The following GARNL3 variants were observed in gnomAD, a reference collection of about 807,000 sequenced individuals.
GARNL3 encodes GTPase-activating Rap/Ran-GAP domain-like protein 3.
GARNL3 carries 63 observed loss-of-function variants against 125.0 expected under a neutral mutation model. That is an observed-to-expected ratio of 0.50 (90% confidence interval 0.41 to 0.62). GARNL3 has a LOEUF of 0.62. GARNL3 is among the 20% of genes least tolerant of loss of function. The pLI is 0.00. For missense variants in GARNL3, 994 were observed against 1,244.0 expected (o/e 0.80, Z 3.02); for synonymous variants, 439 against 457.5 (o/e 0.96, Z 0.52).
chr9:127,244,747 C>T (rs1029438108), intron 2 of GARNL3, among the ~76,000 whole-genome samples: 6 of 152,204 alleles, frequency 3.9e-5, no homozygotes, highest in African/African-American at 4.8e-5. Flanking sequence ...GGAACGTAAA[C>T]GGGTCACATC....
Position 127,311,644 on chromosome 9 carries a change from T to C in GARNL3, c.228T>C (p.Thr76=). 1 of 1,613,124 alleles carries C rather than the reference T, an allele frequency of 6.2e-7. No individual in the cohort carries two copies. The highest frequency in any genetic ancestry group is 8.5e-7 in the Non-Finnish European group (1 of 1,179,082). Residue 76 remains threonine (T), a synonymous_variant, in exon 3 of 28, where the codon ACT becomes ACC. Coordinates refer to ENST00000373387, the MANE Select transcript of GARNL3 (RefSeq NM_032293.5). The stretch of plus-strand genomic sequence containing the variant: ...ACTTTGTTCCATTACAGAATGCAAC[T>C]GCCCTGCCTGGTACTTGGCGAAGAA... ...VENGSSDENA[T]ALPGTWRRTD...
chr9:127,259,270 C>T (rs1354262721), upstream of GARNL3, among the ~76,000 whole-genome samples: 1 of 152,154 alleles, frequency 6.6e-6, no homozygotes. Flanking sequence ...GCTCTCATCC[C>T]AGGCCATATT....
chr9:127,391,533 A>AATATATATATATATATATATATATAT (rs1554741684), intron 27 of GARNL3, among the ~76,000 whole-genome samples: 1 of 75,838 alleles, frequency 1.3e-5, no homozygotes, highest in African/African-American at 3.9e-5. Flanking sequence ...ACAAAAAAAA[A>AATATATATATATATATATATATATAT]ATATATATAT....
intron 1 of GARNL3, among the ~76,000 whole-genome samples, chr9:127,290,339 G>A (rs2064377712): frequency 6.6e-6 from 1 of 152,144 alleles, no homozygotes; most frequent in Non-Finnish European, 1.5e-5. Flanking sequence ...GAAAACGTGA[G>A]GTAACCATCT....
intron 2 of GARNL3, among the ~76,000 whole-genome samples, chr9:127,306,345 G>A (rs916674735): frequency 3.9e-5 from 6 of 152,206 alleles, no homozygotes; most frequent in Non-Finnish European, 8.8e-5. Context: ...CACTTTGGGA[G>A]GCTGAGGTGT....
intron 12 of GARNL3, among the ~76,000 whole-genome samples, chr9:127,339,068 C>T (rs549963871): frequency 1.1e-4 from 17 of 152,160 alleles, no homozygotes; most frequent in Non-Finnish European, 1.9e-4. Context: ...AAGGCTGAGG[C>T]GGGCGGATCA....
intron 22 of GARNL3, among the ~76,000 whole-genome samples, chr9:127,373,454 C>A (rs1831714384): frequency 6.6e-6 from 1 of 152,292 alleles, no homozygotes; most frequent in African/African-American, 2.4e-5. Flanking sequence ...ATACTGGCAC[C>A]CACCCAGCCT....
chr9:127,378,040 A>C (rs762325869), intron 22 of GARNL3, among the ~76,000 whole-genome samples: 1 of 152,002 alleles, frequency 6.6e-6, no homozygotes, highest in Non-Finnish European at 1.5e-5. Context: ...CAGGAGTTCG[A>C]GACCAGTCTG....
chr9:127,246,405 CAG>C (rs1345191842), intron 2 of GARNL3, among the ~76,000 whole-genome samples: 9 of 152,042 alleles, frequency 5.9e-5, no homozygotes, highest in African/African-American at 2.2e-4. Context: ...AAGTGAGACT[CAG>C]AGCTTCAACT....
chr9:127,393,227 C>T lies in GARNL3; in HGVS notation c.3015C>T (p.Ser1005=), dbSNP rs147580357. 37 of 1,613,140 alleles carry T rather than the reference C, an allele frequency of 2.3e-5. No homozygotes were observed. Among genetic ancestry groups the T allele is most frequent in the African/African-American group, 8.0e-5 (6 of 75,030 alleles). ...GCCCCTTCCAGCTCACGGCTTTCTC[C>T]GATGAAGACATTATAGACTTGAAGT... ...GSSPFQLTAF[S]DEDIIDLK Residue 1005 remains serine, a synonymous_variant, in exon 28 of 28, where the codon TCC becomes TCT. Coordinates refer to ENST00000373387, the MANE Select transcript of GARNL3 (RefSeq NM_032293.5).
chr9:127,285,264 T>G (rs946198591), intron 1 of GARNL3, among the ~76,000 whole-genome samples: 1 of 152,196 alleles, frequency 6.6e-6, no homozygotes, highest in Non-Finnish European at 1.5e-5. Context: ...AAACCCCGTC[T>G]CTACTAAAAA....
chr9:127,392,478 T>C lies in GARNL3; in HGVS notation c.2871-605T>C, dbSNP rs969278772. Among the ~76,000 whole-genome samples, 2 of 152,250 alleles carry C rather than the reference T, an allele frequency of 1.3e-5. No individual in the cohort carries two copies. The highest frequency in any genetic ancestry group is 6.5e-5 in the Admixed American group (1 of 15,286). On this transcript the variant is annotated intron_variant, in intron 27 of 27. Coordinates refer to ENST00000373387, the MANE Select transcript of GARNL3 (RefSeq NM_032293.5). The surrounding 1 kb of genome is among the most constrained non-coding windows in gnomAD (Gnocchi z 5.2). ...CAAGGGCCCCGAAGCAGGCCTAGCA[T>C]GGCCAGTTAAAAGGCAGGAGGAAGA...
intron 12 of GARNL3, 82 bp from the exon 13 acceptor site, chr9:127,339,563 A>AT: frequency 4.2e-6 from 4 of 947,308 alleles, no homozygotes; most frequent in Non-Finnish European, 6.9e-6. Flanking sequence ...TCTGGGAGAT[A>AT]CAATTCAAGT....
chr9:127,357,743 G>A (rs1830764754), intron 21 of GARNL3, among the ~76,000 whole-genome samples: 1 of 151,690 alleles, frequency 6.6e-6, no homozygotes, highest in Non-Finnish European at 1.5e-5. Flanking sequence ...TTCGAGACTG[G>A]TCTGGGCAAC....
In GARNL3 at chr9:127,284,374, A is replaced by G. The variant is rs151055476; in HGVS notation, c.145-6794A>G. 8.2e-3 allele frequency among the ~76,000 whole-genome samples: 1,242 copies of G among 151,914 alleles called. 7 individuals carry two copies. The highest frequency in any genetic ancestry group is 0.024 in the Middle Eastern group (7 of 292). On this transcript the variant is annotated intron_variant, in intron 1 of 27. Transcript: ENST00000373387. Reference sequence around the variant, plus strand: ...AAATCTCTTTCTTCTTAGTGGTTCTATTTTCTTTATTATCACTATATGTAT... The same window carrying G: ...AAATCTCTTTCTTCTTAGTGGTTCTGTTTTCTTTATTATCACTATATGTAT...
At chr9:127,294,126 G>T (rs1184763812) in intron 2 of GARNL3, among the ~76,000 whole-genome samples, 2 of 152,148 alleles carry the variant, frequency 1.3e-5, no homozygotes, top group Non-Finnish European at 2.9e-5. Flanking sequence ...TGGGTCTTGG[G>T]ATTTGACTCT....
chr9:127,309,295 A>T (rs1421372321), intron 2 of GARNL3, among the ~76,000 whole-genome samples: 2 of 152,186 alleles, frequency 1.3e-5, no homozygotes, highest in African/African-American at 4.8e-5. Flanking sequence ...AAACTCTCTC[A>T]GTCTCAATTT....
chr9:127,354,227 C>T lies in GARNL3; in HGVS notation c.1643-67C>T, dbSNP rs1830562786. 3.3e-5 allele frequency: 40 copies of T among 1,216,018 alleles called. No individual in the cohort carries two copies. In the East Asian group the frequency reaches 9.1e-4, roughly 28 times the overall value. The allele number at this position is 1,216,018 out of a possible 1,614,324, so 75.3% of individuals were successfully genotyped here. A position where few individuals can be genotyped will look rare whatever the true frequency, so the allele number is the denominator to read the frequency against. ...CCTAGTTTTTCTACACAGTCTGCCC[C>T]TGGAGGCCCTCCAGGTTACCTTACT... On this transcript the variant is annotated intron_variant, in intron 18 of 27. Transcript: ENST00000373387.
intron 11 of GARNL3, among the ~76,000 whole-genome samples, chr9:127,337,783 A>G (rs1829635113): frequency 1.3e-5 from 2 of 152,202 alleles, no homozygotes; most frequent in African/African-American, 4.8e-5. Flanking sequence ...TCTTGTTTGT[A>G]CTTCCAGGCA....
Sources: allele counts gnomAD v4.1 joint callset (sites outside exome capture counted in the v4.1 genomes callset), GRCh38; gene constraint gnomAD v4.1.1; non-coding constraint Gnocchi (gnomAD v3.1); transcripts MANE v1.5; gene names NCBI Gene and HGNC (gene_info 2026-07-23, HGNC 2026-07-21).